ZNF407: variants seen among roughly 807,000 people sequenced by gnomAD.
ZNF407 encodes zinc finger protein 407.
A neutral mutation model predicts 131.2 loss-of-function variants in ZNF407; 17 were observed. The ratio of observed to expected loss-of-function variants is 0.13; its 90% CI spans 0.09 to 0.19. ZNF407 has a LOEUF of 0.19. ZNF407 is among the 10% of genes least tolerant of loss of function. The pLI is 1.00. For synonymous variants in ZNF407, 1,156 were observed against 1,062.0 expected (o/e 1.09, Z -1.72); for missense variants, 2,681 against 2,830.6 (o/e 0.95, Z 1.20).
chr18:74,979,510 T>C lies in ZNF407; in HGVS notation c.5428+58818T>C, dbSNP rs180873261. Reference sequence around the variant, plus strand: ...TTTCGCCATGTTGGCCAGGCTGCTCTTGAACTGCTGACCTCAGGTAATCCA... The same window carrying C: ...TTTCGCCATGTTGGCCAGGCTGCTCCTGAACTGCTGACCTCAGGTAATCCA... On this transcript the variant is annotated intron_variant, in intron 8 of 8. Coordinates refer to ENST00000299687, the MANE Select transcript of ZNF407 (RefSeq NM_017757.3). Among the ~76,000 whole-genome samples the C allele has an allele frequency of 4.4e-3, 665 of 152,330 alleles. 13 individuals carry two copies. Among genetic ancestry groups the C allele is most frequent in the African/African-American group, 0.015 (633 of 41,570 alleles).
intron 3 of ZNF407, among the ~76,000 whole-genome samples, chr18:74,646,412 T>TA (rs1326069478): frequency 1.3e-5 from 2 of 152,292 alleles, no homozygotes; most frequent in South Asian, 2.1e-4. Context: ...CTCAGTTTTG[T>TA]AAAAAATATT....
At chr18:74,916,572 T>C (rs1176772168) in intron 7 of ZNF407, among the ~76,000 whole-genome samples, 7 of 123,274 alleles carry the variant, frequency 5.7e-5, no homozygotes, top group African/African-American at 1.0e-4. Context: ...TGTGTGTGTG[T>C]GCATGCATGT....
intron 3 of ZNF407, among the ~76,000 whole-genome samples, chr18:74,669,112 G>A (rs17055357): frequency 0.15 from 22,277 of 151,984 alleles, 1,678 homozygotes; most frequent in Non-Finnish European, 0.17. Flanking sequence ...CAGGTGGTTG[G>A]CGTCCTCATC....
At chr18:74,742,431 C>G (rs1404418841) in intron 3 of ZNF407, among the ~76,000 whole-genome samples, 1 of 152,120 alleles carries the variant, frequency 6.6e-6, no homozygotes, top group Non-Finnish European at 1.5e-5. Context: ...CATGACGTTG[C>G]TGACTTCAGT....
rs371749994 is a variant in ZNF407, at chr18:74,625,229, T to C, written c.-53-5738T>C. 1.1e-4 allele frequency among the ~76,000 whole-genome samples: 16 copies of C among 152,366 alleles called. 1 individual carries two copies. The highest frequency in any genetic ancestry group is 3.8e-4 in the African/African-American group (16 of 41,586). On this transcript the variant is annotated intron_variant, in intron 1 of 8. Transcript: ENST00000299687. ...TTTGTTTTAGAATTCTTGGAGCCAT[T>C]ATTTAGAAGATTAAGGCTCTCATTA...
intron 1 of ZNF407, among the ~76,000 whole-genome samples, chr18:74,615,145 C>T (rs1983230937): frequency 6.6e-6 from 1 of 152,226 alleles, no homozygotes; most frequent in African/African-American, 2.4e-5. Flanking sequence ...GCCAGGATCT[C>T]TAGATCACAG....
chr18:74,927,823 ATATATG>A (rs35202461), intron 8 of ZNF407, among the ~76,000 whole-genome samples: 21,069 of 152,056 alleles, frequency 0.14, 1,648 homozygotes, highest in Admixed American at 0.26. Flanking sequence ...CAACAAACAT[ATATATG>A]TGTACACATT....
chr18:74,854,545 T>G (rs528888432), intron 4 of ZNF407, among the ~76,000 whole-genome samples: 54 of 152,292 alleles, frequency 3.5e-4, no homozygotes, highest in African/African-American at 1.3e-3. Flanking sequence ...AAGTTTAAGC[T>G]TTAGTTATTA....
intron 8 of ZNF407, among the ~76,000 whole-genome samples, chr18:75,009,586 G>A (rs1314458455): frequency 1.3e-5 from 2 of 152,178 alleles, no homozygotes; most frequent in African/African-American, 2.4e-5. Context: ...ACAATGACAA[G>A]CAAAAATAAT....
At chr18:74,629,977 A>G (rs751043378) in intron 1 of ZNF407, among the ~76,000 whole-genome samples, 9 of 152,280 alleles carry the variant, frequency 5.9e-5, no homozygotes, top group Non-Finnish European at 1.3e-4. Context: ...ACCTTCAGAC[A>G]ATATAAAATG....
At chr18:74,968,948 A>C (rs886689230) in intron 8 of ZNF407, among the ~76,000 whole-genome samples, 2 of 151,872 alleles carry the variant, frequency 1.3e-5, no homozygotes, top group Non-Finnish European at 2.9e-5. Context: ...GGCTCTGTGC[A>C]TTTTGTTCCA....
intron 7 of ZNF407, among the ~76,000 whole-genome samples, chr18:74,913,456 C>A (rs946631397): frequency 6.6e-6 from 1 of 152,082 alleles, no homozygotes. Context: ...ACGGCGAGGC[C>A]CCATGCTGTG....
chr18:74,786,574 C>G (rs1291273371), intron 4 of ZNF407, among the ~76,000 whole-genome samples: 1 of 151,646 alleles, frequency 6.6e-6, no homozygotes, highest in Non-Finnish European at 1.5e-5. Flanking sequence ...TTCTTTTGGG[C>G]TAAAGTGGAG....
chr18:74,857,708 A>C lies in ZNF407; in HGVS notation c.4878-19489A>C, dbSNP rs187179865. ...GTAATTATGTGAAAATTATGAGTTC[A>C]TAAAGTAGCTTTTTTTTAAATTAAT... is the stretch of plus-strand genomic sequence containing the variant. On this transcript the variant is annotated intron_variant, in intron 4 of 8. Transcript: ENST00000299687. Among the ~76,000 whole-genome samples the C allele has an allele frequency of 2.5e-4, 38 of 152,336 alleles. No individual in the cohort carries two copies. In the East Asian group the frequency reaches 7.3e-3, roughly 29 times the overall value.
At chr18:74,838,461 AC>A (rs1228460467) in intron 4 of ZNF407, among the ~76,000 whole-genome samples, 1 of 152,134 alleles carries the variant, frequency 6.6e-6, no homozygotes, top group Non-Finnish European at 1.5e-5. Flanking sequence ...GTTTTATGCC[AC>A]TGTGGTCTTT....
rs1412666302 is a variant in ZNF407, at chr18:74,631,781, A to G, written c.762A>G (p.Ser254=). ...GTGATCTTTGTGGTTTTCAGTGTTC[A>G]GAAGAAAACTTGTTGAATGCACATT... ...FSCDLCGFQC[S]EENLLNAHYL... The change falls in exon 2 of 9, where the codon TCA becomes TCG. Residue 254 remains serine (S), a synonymous_variant. Transcript: ENST00000299687. The G allele has an allele frequency of 1.2e-6, 2 of 1,613,940 alleles. No individual in the cohort carries two copies. Among genetic ancestry groups the G allele is most frequent in the African/African-American group, 1.3e-5 (1 of 74,936 alleles).
rs1197451683 is a variant in ZNF407, at chr18:74,631,390, G to A, written c.371G>A (p.Gly124Asp). 1.2e-6 allele frequency: 2 copies of A among 1,613,956 alleles called. No homozygotes were observed. The highest frequency in any genetic ancestry group is 1.7e-6 in the Non-Finnish European group (2 of 1,179,870). ...ETFLSDCTVG[G>D]TCLPNALSPS... ...TTTCTGAGTGACTGCACAGTTGGAGGCACATGTCTCCCAAATGCCCTCTCC... is the reference window on the plus strand; with the variant it reads ...TTTCTGAGTGACTGCACAGTTGGAGACACATGTCTCCCAAATGCCCTCTCC... The change falls in exon 2 of 9, where the codon GGC (glycine) becomes GAC (aspartate). Residue 124 changes from glycine (G) to aspartate (D), a missense_variant. Gly to Asp is a moderately conservative substitution (Grantham distance 94). Coordinates refer to ENST00000299687, the MANE Select transcript of ZNF407 (RefSeq NM_017757.3).
At chr18:74,838,917 T>C (rs1057191787) in intron 4 of ZNF407, among the ~76,000 whole-genome samples, 5 of 152,214 alleles carry the variant, frequency 3.3e-5, no homozygotes, top group Non-Finnish European at 7.3e-5. Flanking sequence ...CTAGGAGTTA[T>C]CTATTTTTAA....
chr18:74,668,388 C>T (rs769041677), intron 3 of ZNF407, among the ~76,000 whole-genome samples: 2 of 152,116 alleles, frequency 1.3e-5, no homozygotes, highest in Non-Finnish European at 2.9e-5. Flanking sequence ...AAGGGATACT[C>T]AGCTTGTACT....
Sources: gnomAD v4.1 joint callset for allele counts (sites outside exome capture counted in the v4.1 genomes callset) on GRCh38, gnomAD v4.1.1 for gene constraint, MANE v1.5 for transcripts, NCBI Gene and HGNC (gene_info 2026-07-23, HGNC 2026-07-21) for gene names.